BCO1: variants seen among roughly 807,000 people sequenced by gnomAD.
BCO1 encodes the protein beta-carotene oxygenase 1, also known as beta,beta-carotene 15,15'-dioxygenase.
A neutral mutation model predicts 56.3 loss-of-function variants in BCO1; 54 were observed. The observed-to-expected ratio is 0.96, with a 90% confidence interval of 0.77 to 1.20. The LOEUF is 1.20. BCO1 is among the 50% of genes most tolerant of loss of function. The pLI is 0.00. For synonymous variants in BCO1, 318 were observed against 266.1 expected, an observed-to-expected ratio of 1.20 and a Z score of -1.90; for missense variants, 801 against 690.9, an observed-to-expected ratio of 1.16 and a Z score of -1.79.
At chr16:81,283,165 T>C (rs1433694193) in intron 8 of BCO1, among the ~76,000 whole-genome samples, 1 of 152,148 alleles carries the variant, frequency 6.6e-6, no homozygotes, top group Non-Finnish European at 1.5e-5. Flanking sequence ...ACTTAATGTA[T>C]GTAACCTGAG....
At chr16:81,275,854 GCA>G (rs1402103255) in intron 7 of BCO1, among the ~76,000 whole-genome samples, 1 of 152,166 alleles carries the variant, frequency 6.6e-6, no homozygotes, top group African/African-American at 2.4e-5. Flanking sequence ...GGGCCTCTGG[GCA>G]CCGTGGGCCT....
intron 2 of BCO1, among the ~76,000 whole-genome samples, chr16:81,254,481 T>C (rs538806867): frequency 6.6e-6 from 1 of 151,180 alleles, no homozygotes; most frequent in African/African-American, 2.4e-5. Context: ...AAGGGCTTCC[T>C]ACATTGCCCA....
At chr16:81,241,282 C>T (rs1905095199) in intron 1 of BCO1, among the ~76,000 whole-genome samples, 1 of 152,054 alleles carries the variant, frequency 6.6e-6, no homozygotes, top group Admixed American at 6.6e-5. Context: ...CACTGTACTC[C>T]AGCCTGGGCA....
intron 6 of BCO1, 42 bp from the exon 7 acceptor site, chr16:81,270,117 G>C (rs759888348): frequency 6.2e-7 from 1 of 1,612,912 alleles, no homozygotes; most frequent in South Asian, 1.1e-5. Flanking sequence ...GTGCCAGGCT[G>C]AGAGAGGGTG....
chr16:81,272,274 T>C (rs1003688406), intron 7 of BCO1, among the ~76,000 whole-genome samples: 7 of 151,558 alleles, frequency 4.6e-5, no homozygotes, highest in African/African-American at 1.2e-4. Flanking sequence ...CCACCACGCC[T>C]GGCTAATTTT....
In BCO1 at chr16:81,252,204, T is replaced by C. The variant is rs137898647; in HGVS notation, c.193+6601T>C. On this transcript the variant is annotated intron_variant, in intron 2 of 10. Coordinates refer to ENST00000258168, the MANE Select transcript of BCO1 (RefSeq NM_017429.3). The stretch of plus-strand genomic sequence containing the variant: ...TACCCAGCCTGGGTGTTTATATTTC[T>C]TTCTTTCTTTTTTTTTCTTTTCTTG... Among the ~76,000 whole-genome samples the C allele has an allele frequency of 3.3e-3, 497 of 152,176 alleles. 1 individual carries two copies. Among genetic ancestry groups the C allele is most frequent in the African/African-American group, 0.011 (454 of 41,528 alleles).
intron 3 of BCO1, 115 bp from the exon 4 acceptor site, chr16:81,262,021 C>T (rs1906516217): frequency 7.8e-7 from 1 of 1,283,170 alleles, no homozygotes; most frequent in Non-Finnish European, 1.1e-6. Flanking sequence ...GGATTACAGG[C>T]ACCCGGCCGA....
chr16:81,264,701 C>T lies in BCO1; in HGVS notation c.533C>T (p.Ala178Val), dbSNP rs371846416. ...ACGTCACATCCCCATTATGATGAGG[C>T]TGGAAATGTTCTAAACATGGGCACA... ...LATSHPHYDE[A>V]GNVLNMGTSI... The change falls in exon 5 of 11, where the codon GCT (alanine) becomes GTT (valine). Residue 178 changes from alanine (A) to valine (V), a missense_variant. By Grantham distance (64) the Ala-to-Val change is moderately conservative. Coordinates refer to ENST00000258168, the MANE Select transcript of BCO1 (RefSeq NM_017429.3). 5.3e-5 allele frequency: 85 copies of T among 1,614,004 alleles called. No homozygotes were observed. Among genetic ancestry groups the T allele is most frequent in the Non-Finnish European group, 6.9e-5 (82 of 1,179,990 alleles).
At chr16:81,262,506 C>G in intron 4 of BCO1, 1 of 552,434 alleles carries the variant, frequency 1.8e-6, no homozygotes, top group South Asian at 1.9e-5. Context: ...GCTGATGTAA[C>G]CAAGTCCTAC....
intron 3 of BCO1, 34 bp from the exon 4 acceptor site, chr16:81,262,102 G>C: frequency 6.2e-7 from 1 of 1,611,208 alleles, no homozygotes; most frequent in Non-Finnish European, 8.5e-7. Flanking sequence ...GGTGGACATA[G>C]CCACTGACTC....
At chr16:81,264,883 G>C in intron 5 of BCO1, 96 bp downstream of exon 5, 1 of 1,394,008 alleles carries the variant, frequency 7.2e-7, no homozygotes, top group Non-Finnish European at 1.0e-6. Flanking sequence ...GATCCAGTGT[G>C]GTACTTTCTC....
chr16:81,251,499 G>A (rs952820983), intron 2 of BCO1, among the ~76,000 whole-genome samples: 2 of 151,780 alleles, frequency 1.3e-5, no homozygotes, highest in Admixed American at 6.6e-5. Context: ...GGCAGAGGCT[G>A]CAGTGAGCCG....
At chr16:81,263,786 T>A (rs1446871961) in intron 4 of BCO1, 1 of 152,268 alleles carries the variant, frequency 6.6e-6, no homozygotes, top group Admixed American at 6.5e-5. Flanking sequence ...CCACTTTCAA[T>A]TTTCTCCAGC....
chr16:81,260,665 C>T (rs574653224), intron 3 of BCO1, among the ~76,000 whole-genome samples: 8 of 152,236 alleles, frequency 5.3e-5, no homozygotes, highest in African/African-American at 1.4e-4. Flanking sequence ...CCCACCACCA[C>T]GCCCGGCTAA....
intron 3 of BCO1, chr16:81,261,887 G>T (rs1182397667): frequency 2.7e-5 from 11 of 403,232 alleles, no homozygotes; most frequent in Non-Finnish European, 4.3e-5. Context: ...GACTACAGGC[G>T]CCTGCCACCA....
At position 81,262,205 on chromosome 16, in the gene BCO1, C is replaced by T. The variant is rs748475104; in HGVS notation, c.393C>T (p.Cys131=). The change falls in exon 4 of 11, where the codon TGC becomes TGT. Residue 131 remains cysteine (C), a synonymous_variant. Coordinates refer to ENST00000258168, the MANE Select transcript of BCO1 (RefSeq NM_017429.3). ...ACTGCCTGATCAACATCATGAAGTG[C>T]GGAGAAGACTTCTACGCGACCTCAG... The part of the protein sequence containing the change: ...TDNCLINIMK[C]GEDFYATSET... The T allele has an allele frequency of 3.7e-6, 6 of 1,613,782 alleles. No individual in the cohort carries two copies. The highest frequency in any genetic ancestry group is 2.2e-5 in the East Asian group (1 of 44,886).
rs759117068 is a variant in BCO1 at position 81,263,441 on chromosome 16, G to C, written c.471+1158G>C. 3 of 152,290 alleles carry C rather than the reference G, an allele frequency of 2.0e-5. No homozygotes were observed. The East Asian group carries it at 5.8e-4, about 29-fold the overall frequency. The allele number at this position is 152,290 out of a possible 1,614,324, so 9.4% of individuals were successfully genotyped here. A position where few individuals can be genotyped will look rare whatever the true frequency, so the allele number is the denominator to read the frequency against. On this transcript the variant is annotated intron_variant, in intron 4 of 10. Coordinates refer to ENST00000258168, the MANE Select transcript of BCO1 (RefSeq NM_017429.3). ...AGTCATTGCATTAGGGCCCACCCCA[G>C]TGCAGTATGACCTCATCTTAACTTA...
chr16:81,260,131 T>C (rs1906394859), intron 3 of BCO1, among the ~76,000 whole-genome samples: 1 of 152,226 alleles, frequency 6.6e-6, no homozygotes, highest in Non-Finnish European at 1.5e-5. Context: ...GTATTTGTCA[T>C]TTATGGCTGC....
intron 1 of BCO1, among the ~76,000 whole-genome samples, chr16:81,239,503 G>GA (rs1200425688): frequency 6.6e-6 from 1 of 152,108 alleles, no homozygotes; most frequent in African/African-American, 2.4e-5. Flanking sequence ...CTGTTCCCAG[G>GA]AAAAAAGCAT....
Sources: gnomAD v4.1 joint callset for allele counts (sites outside exome capture counted in the v4.1 genomes callset) on GRCh38, gnomAD v4.1.1 for gene constraint, MANE v1.5 for transcripts, NCBI Gene and HGNC (gene_info 2026-07-23, HGNC 2026-07-21) for gene names.